The following CELF2 variants were observed in gnomAD, a reference collection of about 807,000 sequenced individuals.
The protein encoded by CELF2 is CUGBP Elav-like family member 2, also known as CUG triplet repeat RNA-binding protein 2.
CELF2 carries 8 observed loss-of-function variants against 62.6 expected under a neutral mutation model. That is an observed-to-expected ratio of 0.13 (90% confidence interval 0.07 to 0.23). The LOEUF (loss-of-function observed/expected upper bound fraction) is 0.23, where lower values mean the gene tolerates loss of function less well. Among genes scored for constraint, CELF2 ranks in the 10% least tolerant of loss-of-function variants. CELF2 has a pLI of 1.00. For synonymous variants in CELF2, 258 were observed against 250.0 expected (o/e 1.03, Z -0.30); for missense variants, 333 against 671.0 (o/e 0.50, Z 5.56).
intron 8 of CELF2, among the ~76,000 whole-genome samples, chr10:11,288,129 G>C (rs2091788400): frequency 1.3e-5 from 2 of 152,234 alleles, no homozygotes; most frequent in Admixed American, 1.3e-4. Context: ...TGAGAATACT[G>C]GTTAGCGAGG....
Position 11,319,757 on chromosome 10 carries a change from C to T in CELF2, c.1097-1432C>T. On this transcript the variant is annotated intron_variant, in intron 10 of 12. Transcript: ENST00000633077. This position sits in a 1 kb window ranked among gnomAD's most constrained non-coding sequence, Gnocchi z 4.4. The stretch of plus-strand genomic sequence containing the variant: ...ACCCGAGGTGAGGCACAATGACAGT[C>T]CTCCACTGTTAAGCTATAGCCTAAT... 1 of 470,960 alleles carries T rather than the reference C, an allele frequency of 2.1e-6. No individual in the cohort carries two copies. Among genetic ancestry groups the T allele is most frequent in the Non-Finnish European group, 4.4e-6 (1 of 226,992 alleles). The allele number at this position is 470,960 out of a possible 1,614,324, so 29.2% of individuals were successfully genotyped here. A position where few individuals can be genotyped will look rare whatever the true frequency, so the allele number is the denominator to read the frequency against.
rs1309603758 is a variant in CELF2 at position 11,315,816 on chromosome 10, TGTCCTTCACCTAG to T, written c.1096+1562_1096+1574del. On this transcript the variant is annotated intron_variant, in intron 10 of 12. Coordinates refer to ENST00000633077, the MANE Select transcript of CELF2 (RefSeq NM_001326342.2). This position sits in a 1 kb window ranked among gnomAD's most constrained non-coding sequence, Gnocchi z 5.8. ...CCGGTACAGCTCCTCGCTCTGACCT[TGTCCTTCACCTAG>T]GTCGAGGACGCGTGTGCTCGCACAC... is the stretch of plus-strand genomic sequence containing the variant. Among the ~76,000 whole-genome samples the T allele has an allele frequency of 6.6e-6, 1 of 152,218 alleles. No individual in the cohort carries two copies. The highest frequency in any genetic ancestry group is 1.5e-5 in the Non-Finnish European group (1 of 68,030).
At chr10:11,058,371 A>C (rs762899141) in intron 1 of CELF2, among the ~76,000 whole-genome samples, 2 of 151,412 alleles carry the variant, frequency 1.3e-5, no homozygotes, top group Non-Finnish European at 2.9e-5. Flanking sequence ...TAAGAGTTTT[A>C]TCTTAACTTA....
chr10:10,856,868 T>C (rs2059745080), intron 1 of CELF2, among the ~76,000 whole-genome samples: 1 of 152,132 alleles, frequency 6.6e-6, no homozygotes. Flanking sequence ...TCATGCTTGA[T>C]GGAGAAATTA....
chr10:10,762,703 C>T, the CELF2 span, among the ~76,000 whole-genome samples: 4 of 152,030 alleles, frequency 2.6e-5, no homozygotes, highest in African/African-American at 9.7e-5. Context: ...AAGCACTTAC[C>T]CTCTATGGTG....
chr10:10,646,578 G>A, the CELF2 span, among the ~76,000 whole-genome samples: 19 of 152,254 alleles, frequency 1.2e-4, no homozygotes, highest in South Asian at 3.9e-3. Flanking sequence ...GCATAATTAA[G>A]AAATGGATTA....
At chr10:11,140,090 A>G (rs1440891855) in intron 1 of CELF2, among the ~76,000 whole-genome samples, 1 of 152,180 alleles carries the variant, frequency 6.6e-6, no homozygotes, top group African/African-American at 2.4e-5. Flanking sequence ...CTTTTGAGAA[A>G]CTGCCTCTGC....
the CELF2 span, among the ~76,000 whole-genome samples, chr10:10,709,734 A>T: frequency 6.6e-6 from 1 of 152,230 alleles, no homozygotes; most frequent in Non-Finnish European, 1.5e-5. Flanking sequence ...CAAAAAAGAC[A>T]ACTTGTCTCA....
At chr10:11,281,334 G>A (rs1443890399) in intron 8 of CELF2, among the ~76,000 whole-genome samples, 6 of 152,184 alleles carry the variant, frequency 3.9e-5, no homozygotes, top group African/African-American at 7.2e-5. Context: ...GGGGACTGAC[G>A]TGGGGTAGAT....
chr10:10,742,931 T>C, the CELF2 span, among the ~76,000 whole-genome samples: 4 of 152,230 alleles, frequency 2.6e-5, no homozygotes, highest in South Asian at 8.3e-4. Context: ...GATTCTCAAC[T>C]TTATGGAGAA....
At chr10:10,768,170 A>AAAAAAAAACAAAACAAAACAAAAC in the CELF2 span, among the ~76,000 whole-genome samples, 236 of 151,826 alleles carry the variant, frequency 1.6e-3, 1 homozygote, top group Admixed American at 2.3e-3. Context: ...CGTCTCAAAA[A>AAAAAAAAACAAAACAAAACAAAAC]AAAAAAAAAA....
chr10:11,105,247 G>T (rs1452387477), intron 1 of CELF2, among the ~76,000 whole-genome samples: 1 of 152,160 alleles, frequency 6.6e-6, no homozygotes, highest in Non-Finnish European at 1.5e-5. Flanking sequence ...AGCCTGGCTG[G>T]GTTTGAATCT....
At chr10:11,061,905 T>C (rs1255257095) in intron 1 of CELF2, among the ~76,000 whole-genome samples, 1 of 152,110 alleles carries the variant, frequency 6.6e-6, no homozygotes. Flanking sequence ...CTTTGCGGCC[T>C]GGGCTCAAAC....
rs569214032 is a variant in CELF2, at chr10:10,803,807, T to C, written c.53+4990T>C. The stretch of plus-strand genomic sequence containing the variant: ...CATACCCAATATCTAAAAGATTTCC[T>C]AGCACACGACAATGAATGAATGAAT... On this transcript the variant is annotated intron_variant, in intron 1 of 13. Transcript: ENST00000636488. Among the ~76,000 whole-genome samples the C allele has an allele frequency of 3.9e-5, 6 of 152,344 alleles. No individual in the cohort carries two copies. In the South Asian group the frequency reaches 1.2e-3, roughly 32 times the overall value.
chr10:10,872,370 A>G (rs1485579081), intron 1 of CELF2, among the ~76,000 whole-genome samples: 2 of 152,218 alleles, frequency 1.3e-5, no homozygotes, highest in African/African-American at 2.4e-5. Context: ...TTGAGATACA[A>G]AGGAAGAAAA....
intron 2 of CELF2, among the ~76,000 whole-genome samples, chr10:10,985,264 C>T (rs899226178): frequency 6.6e-6 from 1 of 151,770 alleles, no homozygotes; most frequent in African/African-American, 2.4e-5. Context: ...ATTCTTAATA[C>T]ACCCCCACAT....
Position 11,331,432 on chromosome 10 carries a change from G to GTGTT in CELF2, c.*2383_*2386dup, listed in dbSNP as rs2096017317. 7.2e-6 allele frequency: 1 copy of GTGTT among 138,670 alleles called. No homozygotes were observed. Among genetic ancestry groups the GTGTT allele is most frequent in the African/African-American group, 2.7e-5 (1 of 36,682 alleles). 8.6% of individuals were successfully genotyped at this position (138,670 alleles called of 1,614,324 possible). On this transcript the variant is annotated 3_prime_UTR_variant, in exon 13 of 13. Coordinates refer to ENST00000633077, the MANE Select transcript of CELF2 (RefSeq NM_001326342.2). ...TTTTTTAATTGTGGACTATTTAGAT[G>GTGTT]TGTTTGTGTTCAGCAAAATGTGATG... is the stretch of plus-strand genomic sequence containing the variant.
exon 1 of CELF2, chr10:10,798,645 G>C (rs955368548): frequency 5.0e-6 from 2 of 397,796 alleles, no homozygotes; most frequent in Non-Finnish European, 8.9e-6. Flanking sequence ...GTGTCAGCCC[G>C]GGAAGGAGGG....
At chr10:11,125,902 C>A (rs2058609423) in intron 1 of CELF2, among the ~76,000 whole-genome samples, 1 of 152,180 alleles carries the variant, frequency 6.6e-6, no homozygotes, top group Non-Finnish European at 1.5e-5. Context: ...AAAATCACAG[C>A]TTTTGGGTTT....
Sources: allele counts gnomAD v4.1 joint callset (sites outside exome capture counted in the v4.1 genomes callset), GRCh38; gene constraint gnomAD v4.1.1; non-coding constraint Gnocchi (gnomAD v3.1); transcripts MANE v1.5; gene names NCBI Gene and HGNC (gene_info 2026-07-23, HGNC 2026-07-21).